Variants in PPP4R1 observed in about 807,000 individuals in gnomAD.
PPP4R1 encodes protein phosphatase 4 regulatory subunit 1.
In PPP4R1, 42 loss-of-function variants were observed where a neutral mutation model predicts 111.2. That is an observed-to-expected ratio of 0.38 (90% confidence interval 0.29 to 0.49). The LOEUF is 0.49. Ranked by LOEUF, PPP4R1 falls within the 20% of genes least tolerant of loss-of-function variation. The probability of loss-of-function intolerance (pLI) is 0.97; values close to 1 mark genes in which losing one functional copy is unlikely to be tolerated. For synonymous variants in PPP4R1, 409 were observed against 405.5 expected (o/e 1.01, Z -0.10); for missense variants, 1,012 against 1,161.6 (o/e 0.87, Z 1.87).
At chr18:9,548,409 C>CA (rs1555663404) in intron 19 of PPP4R1, among the ~76,000 whole-genome samples, 1 of 151,618 alleles carries the variant, frequency 6.6e-6, no homozygotes, top group Non-Finnish European at 1.5e-5. Context: ...CGGCAGGCGG[C>CA]GGGGGGGTCG....
At chr18:9,579,807 T>C (rs62088862) in intron 9 of PPP4R1, among the ~76,000 whole-genome samples, 8,458 of 152,302 alleles carry the variant, frequency 0.056, 305 homozygotes, top group Middle Eastern at 0.092. Context: ...TACAGGAGGA[T>C]GTGCATAGGT....
chr18:9,570,832 T>G, intron 10 of PPP4R1, 149 bp from the exon 11 acceptor site: 1 of 844,442 alleles, frequency 1.2e-6, no homozygotes, highest in Non-Finnish European at 1.7e-6. Context: ...TGTATATTAT[T>G]TATAATGCTT....
chr18:9,605,017 A>T (rs610564), intron 2 of PPP4R1, among the ~76,000 whole-genome samples: 134,518 of 152,244 alleles, frequency 0.88, 59,646 homozygotes, highest in East Asian at 0.97. Flanking sequence ...TTTTATCAAA[A>T]TTGATCAAAA....
intron 11 of PPP4R1, 83 bp downstream of exon 11, chr18:9,570,074 T>C: frequency 7.1e-7 from 1 of 1,412,146 alleles, no homozygotes; most frequent in African/African-American, 1.5e-5. Flanking sequence ...AAATGACAAT[T>C]TTTTCTGAAA....
Position 9,547,127 on chromosome 18 carries a change from A to T in PPP4R1, c.*662T>A, listed in dbSNP as rs2066413599. The T allele has an allele frequency of 6.5e-6, 1 of 152,696 alleles. No homozygotes were observed. Among genetic ancestry groups the T allele is most frequent in the African/African-American group, 2.4e-5 (1 of 41,458 alleles). The allele number at this position is 152,696 out of a possible 1,614,324, so 9.5% of individuals were successfully genotyped here. ...CTTCAGGTCATGACCAGCATGAAAA[A>T]ATCAGACACAGACACTCAGCAACCA... On this transcript the variant is annotated 3_prime_UTR_variant, in exon 20 of 20. Coordinates refer to ENST00000400556, the MANE Select transcript of PPP4R1 (RefSeq NM_001042388.3).
chr18:9,573,197 TG>T (rs1390382893), intron 10 of PPP4R1, among the ~76,000 whole-genome samples: 1 of 152,198 alleles, frequency 6.6e-6, no homozygotes, highest in Non-Finnish European at 1.5e-5. Context: ...AGAACATTAG[TG>T]GGCCAATTGG....
chr18:9,555,874 C>A (rs184763006), intron 15 of PPP4R1, among the ~76,000 whole-genome samples: 2 of 152,046 alleles, frequency 1.3e-5, no homozygotes, highest in Non-Finnish European at 2.9e-5. Flanking sequence ...TGGTGGCTCA[C>A]GCCTGTAATC....
chr18:9,552,151 G>A (rs753632845), intron 16 of PPP4R1, among the ~76,000 whole-genome samples: 2 of 152,162 alleles, frequency 1.3e-5, no homozygotes, highest in Non-Finnish European at 2.9e-5. Flanking sequence ...GAAAATGCAG[G>A]TGAGGTCTAT....
chr18:9,604,842 A>G (rs2067451665), intron 2 of PPP4R1, among the ~76,000 whole-genome samples: 1 of 152,158 alleles, frequency 6.6e-6, no homozygotes, highest in South Asian at 2.1e-4. Context: ...CTTCTCATGG[A>G]GGCACATTCA....
At chr18:9,591,398 A>G (rs1332001944) in intron 4 of PPP4R1, among the ~76,000 whole-genome samples, 5 of 152,084 alleles carry the variant, frequency 3.3e-5, no homozygotes, top group African/African-American at 1.2e-4. Flanking sequence ...CCAGGTATGA[A>G]CTTCACTGGT....
rs1463670907 is a variant in PPP4R1, at chr18:9,549,326, C to A, written c.2560G>T (p.Asp854Tyr). ...FVFVCQTVIE[D>Y]DCLPMDQFAV... ...AACTGGTCCATGGGAAGGCAGTCAT[C>A]CTCAATGACAGTCTGGGGAAGAGAA... Residue 854 changes from aspartate (D) to tyrosine (Y), a missense_variant, in exon 19 of 20, where the codon GAT (aspartate) becomes TAT (tyrosine). This residue lies in a region of PPP4R1 where 305 missense variants were observed against 419.5 expected (regional missense o/e 0.73). Transcript: ENST00000400556. 3 of 1,605,994 alleles carry A rather than the reference C, an allele frequency of 1.9e-6. No individual in the cohort carries two copies. The highest frequency in any genetic ancestry group is 2.6e-6 in the Non-Finnish European group (3 of 1,172,926).
intron 2 of PPP4R1, among the ~76,000 whole-genome samples, chr18:9,600,459 A>C (rs1443192655): frequency 1.3e-5 from 2 of 152,208 alleles, no homozygotes; most frequent in Non-Finnish European, 2.9e-5. Context: ...TTTAAAAGGC[A>C]AAGATTATCA....
rs1171828629 is a variant in PPP4R1 at position 9,584,536 on chromosome 18, C to A, written c.738G>T (p.Gln246His). The change falls in exon 8 of 20, where the codon CAG becomes CAT. Residue 246 changes from glutamine to histidine, a missense_variant. Physicochemically the swap from Gln to His is conservative, Grantham distance 24 (BLOSUM62 0). This residue lies in a region of PPP4R1 where 707 missense variants were observed against 742.1 expected (regional missense o/e 0.95). Coordinates refer to ENST00000400556, the MANE Select transcript of PPP4R1 (RefSeq NM_001042388.3). Reference sequence around the variant, plus strand: ...TTACCAACATTTCTTCAGTAGCTTGCTGGCCAACTACACTGCAAATATCTC... The same window carrying A: ...TTACCAACATTTCTTCAGTAGCTTGATGGCCAACTACACTGCAAATATCTC... ...NFGDICSVVG[Q>H]QATEEMLLPR... 6.2e-7 allele frequency: 1 copy of A among 1,613,178 alleles called. No individual in the cohort carries two copies. Among genetic ancestry groups the A allele is most frequent in the Non-Finnish European group, 8.5e-7 (1 of 1,179,604 alleles).
intron 6 of PPP4R1, among the ~76,000 whole-genome samples, chr18:9,586,957 C>A (rs1228562242): frequency 6.6e-6 from 1 of 152,124 alleles, no homozygotes; most frequent in Non-Finnish European, 1.5e-5. Flanking sequence ...TTACATTTGA[C>A]TTTATGATGT....
intron 2 of PPP4R1, among the ~76,000 whole-genome samples, chr18:9,597,746 T>C (rs897883051): frequency 1.3e-5 from 2 of 152,020 alleles, no homozygotes; most frequent in Non-Finnish European, 2.9e-5. Flanking sequence ...AGTATGTAAA[T>C]GAATATAAAA....
At chr18:9,611,393 C>A (rs1386009919) in intron 2 of PPP4R1, among the ~76,000 whole-genome samples, 1 of 152,090 alleles carries the variant, frequency 6.6e-6, no homozygotes, top group African/African-American at 2.4e-5. Context: ...TCTACCTTCT[C>A]CAGCTTCTCC....
At chr18:9,611,569 G>A (rs534389854) in intron 2 of PPP4R1, among the ~76,000 whole-genome samples, 30 of 152,244 alleles carry the variant, frequency 2.0e-4, no homozygotes, top group Admixed American at 1.3e-4. Flanking sequence ...TCTGGGTAAA[G>A]GTATCACCTG....
intron 2 of PPP4R1, among the ~76,000 whole-genome samples, chr18:9,595,591 A>G (rs573196249): frequency 3.3e-5 from 5 of 152,336 alleles, no homozygotes; most frequent in African/African-American, 9.6e-5. Flanking sequence ...ATATATTTAC[A>G]TTCATTAAAC....
In PPP4R1 at chr18:9,570,292, G is replaced by A; in HGVS notation, c.1438C>T (p.Pro480Ser). 3 of 1,612,316 alleles carry A rather than the reference G, an allele frequency of 1.9e-6. No individual in the cohort carries two copies. The highest frequency in any genetic ancestry group is 2.5e-6 in the Non-Finnish European group (3 of 1,179,322). Residue 480 changes from proline to serine, a missense_variant, in exon 11 of 20, where the codon CCC (proline) becomes TCC (serine). By Grantham distance (74) the Pro-to-Ser change is moderately conservative (BLOSUM62 -1). Around this residue, in one of 2 missense-constraint regions of PPP4R1, gnomAD observed 707 missense variants for 742.1 expected, o/e 0.95. Transcript: ENST00000400556. ...IELEQNSGGKPSPEGPEEESE... is the reference protein window; with the variant it reads ...IELEQNSGGKSSPEGPEEESE... ...TCTTCCTCTGGTCCCTCTGGGCTGG[G>A]TTTTCCCCCAGAGTTCTGTTCAAGC... is the stretch of plus-strand genomic sequence containing the variant.
Sources: allele counts gnomAD v4.1 joint callset (sites outside exome capture counted in the v4.1 genomes callset), GRCh38; gene constraint gnomAD v4.1.1; regional missense constraint gnomAD v4.1.1; transcripts MANE v1.5; gene names NCBI Gene and HGNC (gene_info 2026-07-23, HGNC 2026-07-21).